Variants in ZSCAN25 observed in about 807,000 individuals in gnomAD.
ZSCAN25 encodes the protein zinc finger and SCAN domain containing 25.
ZSCAN25 carries 27 observed loss-of-function variants against 38.7 expected under a neutral mutation model. That is an observed-to-expected ratio of 0.70 (90% CI 0.51 to 0.96). The LOEUF (loss-of-function observed/expected upper bound fraction) is 0.96. Among genes scored for constraint, ZSCAN25 ranks in the 40% least tolerant of loss-of-function variants. The pLI is 0.00. For missense variants in ZSCAN25, 637 were observed against 705.9 expected (o/e 0.90, Z 1.11); for synonymous variants, 273 against 277.7 (o/e 0.98, Z 0.17).
At position 99,629,046 on chromosome 7, in the gene ZSCAN25, G is replaced by T; in HGVS notation, c.806-145G>T. ...ACATGGAGGTGGAAATAAGGAAAAA[G>T]AAGTAAGGAAAGCCTGAGTTGAGGT... On this transcript the variant is annotated intron_variant, in intron 7 of 7. Coordinates refer to ENST00000394152, the MANE Select transcript of ZSCAN25 (RefSeq NM_145115.3). The surrounding 1 kb of genome is among the most constrained non-coding windows in gnomAD (Gnocchi z 5.6). 1.7e-6 allele frequency: 2 copies of T among 1,161,980 alleles called. No homozygotes were observed. The highest frequency in any genetic ancestry group is 2.4e-6 in the Non-Finnish European group (2 of 846,172). The allele number at this position is 1,161,980 out of a possible 1,614,324, so 72.0% of individuals were successfully genotyped here. A position where few individuals can be genotyped will look rare whatever the true frequency, so the allele number is the denominator to read the frequency against.
the ZSCAN25 span, chr7:99,676,336 A>C: frequency 3.9e-6 from 6 of 1,554,744 alleles, no homozygotes; most frequent in Non-Finnish European, 5.2e-6. Context: ...AATAACAGCA[A>C]CTCCAACATC....
chr7:99,679,873 C>T, the ZSCAN25 span: 25 of 1,614,100 alleles, frequency 1.5e-5, no homozygotes, highest in Middle Eastern at 1.7e-4. Flanking sequence ...AGGTTTCCAC[C>T]GCCAAATTTG....
chr7:99,678,155 C>T, the ZSCAN25 span, among the ~76,000 whole-genome samples: 1 of 152,248 alleles, frequency 6.6e-6, no homozygotes, highest in Non-Finnish European at 1.5e-5. Context: ...GTCTGCCTGG[C>T]TGCCCGAGTC....
chr7:99,630,296 T>C lies in ZSCAN25; in HGVS notation c.*276T>C, dbSNP rs1230584542. 8 of 1,237,474 alleles carry C rather than the reference T, an allele frequency of 6.5e-6. No homozygotes were observed. Among genetic ancestry groups the C allele is most frequent in the Non-Finnish European group, 8.1e-6 (8 of 987,950 alleles). 76.7% of individuals were successfully genotyped at this position (1,237,474 alleles called of 1,614,324 possible). A position where few individuals can be genotyped will look rare whatever the true frequency, so the allele number is the denominator to read the frequency against. On this transcript the variant is annotated 3_prime_UTR_variant, in exon 8 of 8. Transcript: ENST00000394152. ...TGAGATTTTCTCCTTCAGTGGACTG[T>C]CTGTGTCCCCCTGCCGAACAAAGCT...
chr7:99,691,651 G>A, the ZSCAN25 span, among the ~76,000 whole-genome samples: 12 of 152,110 alleles, frequency 7.9e-5, no homozygotes, highest in African/African-American at 2.9e-4. Context: ...TTATGTAGTG[G>A]CCTTCTTTGT....
chr7:99,618,799 C>G (rs951047182), intron 2 of ZSCAN25, 148 bp downstream of exon 2: 3 of 152,176 alleles, frequency 2.0e-5, no homozygotes, highest in African/African-American at 4.8e-5. Context: ...TCTGGGTGAT[C>G]TGGTTTCTGT....
the ZSCAN25 span, chr7:99,638,186 C>T: frequency 1.0e-4 from 145 of 1,398,476 alleles, no homozygotes; most frequent in Admixed American, 2.5e-4. Flanking sequence ...GGCGATAATC[C>T]TGTGAATGGG....
chr7:99,697,887 C>A, the ZSCAN25 span, among the ~76,000 whole-genome samples: 2 of 152,150 alleles, frequency 1.3e-5, no homozygotes, highest in African/African-American at 4.8e-5. Flanking sequence ...TATGGCAAAT[C>A]AATGACACTA....
chr7:99,666,880 G>A, the ZSCAN25 span: 1 of 1,599,118 alleles, frequency 6.3e-7, no homozygotes, highest in South Asian at 1.1e-5. Context: ...GAAACGGACT[G>A]TGATCTTACT....
chr7:99,694,585 T>TG, the ZSCAN25 span, among the ~76,000 whole-genome samples: 1 of 152,058 alleles, frequency 6.6e-6, no homozygotes, highest in Non-Finnish European at 1.5e-5. Context: ...ATGTTTATCT[T>TG]GGGGGGTACA....
At chr7:99,657,076 G>A in the ZSCAN25 span, among the ~76,000 whole-genome samples, 2 of 151,844 alleles carry the variant, frequency 1.3e-5, no homozygotes, top group East Asian at 1.9e-4. Context: ...TTGTGTCTCT[G>A]TTTCCTTCAG....
chr7:99,711,042 ATG>A, the ZSCAN25 span: 1 of 1,339,290 alleles, frequency 7.5e-7, no homozygotes, highest in East Asian at 2.5e-5. Flanking sequence ...TTTCACTCTG[ATG>A]TGTGTCTTAC....
At chr7:99,712,325 G>A in the ZSCAN25 span, among the ~76,000 whole-genome samples, 1 of 152,312 alleles carries the variant, frequency 6.6e-6, no homozygotes, top group South Asian at 2.1e-4. Context: ...ATTGTATTCT[G>A]TTACCATGAA....
At position 99,632,072 on chromosome 7, in the gene ZSCAN25, A is replaced by C. The variant is rs551811467; in HGVS notation, c.*2052A>C. On this transcript the variant is annotated 3_prime_UTR_variant, in exon 8 of 8. Coordinates refer to ENST00000394152, the MANE Select transcript of ZSCAN25 (RefSeq NM_145115.3). Reference sequence around the variant, plus strand: ...CCTGAATCACAGATGCTCTTTTGTCATACACAGCCAGCATTCCTCTGGGTT... The same window carrying C: ...CCTGAATCACAGATGCTCTTTTGTCCTACACAGCCAGCATTCCTCTGGGTT... The C allele has an allele frequency of 1.4e-4, 142 of 985,210 alleles. No individual in the cohort carries two copies. The highest frequency in any genetic ancestry group is 1.6e-4 in the Non-Finnish European group (133 of 829,962). 61.0% of individuals were successfully genotyped at this position (985,210 alleles called of 1,614,324 possible).
the ZSCAN25 span, among the ~76,000 whole-genome samples, chr7:99,691,304 G>A: frequency 1.3e-5 from 2 of 151,876 alleles, no homozygotes; most frequent in African/African-American, 4.8e-5. Flanking sequence ...GGGGTAGGGG[G>A]AGGGGGTAGG....
the ZSCAN25 span, among the ~76,000 whole-genome samples, chr7:99,641,009 CA>C: frequency 6.6e-6 from 1 of 152,144 alleles, no homozygotes; most frequent in Non-Finnish European, 1.5e-5. Context: ...CCAAGAGCTT[CA>C]TGTTTTCCCT....
chr7:99,618,404 G>A (rs1041801267), intron 1 of ZSCAN25, 121 bp from the exon 2 acceptor site: 3 of 152,064 alleles, frequency 2.0e-5, no homozygotes, highest in Non-Finnish European at 4.4e-5. Context: ...CTACAGAAGT[G>A]TTTTAAGTAT....
the ZSCAN25 span, among the ~76,000 whole-genome samples, chr7:99,642,793 CTT>C: frequency 6.6e-6 from 1 of 152,194 alleles, no homozygotes; most frequent in South Asian, 2.1e-4. Context: ...AAAGTAGAAA[CTT>C]TGCTTTTTTT....
chr7:99,660,988 C>T, the ZSCAN25 span, among the ~76,000 whole-genome samples: 2 of 152,076 alleles, frequency 1.3e-5, no homozygotes, highest in African/African-American at 4.8e-5. Context: ...CTTGAATGAT[C>T]CTAAAAGTAC....
Sources: gnomAD v4.1 joint callset for allele counts (sites outside exome capture counted in the v4.1 genomes callset) on GRCh38, gnomAD v4.1.1 for gene constraint, Gnocchi (gnomAD v3.1) non-coding constraint, MANE v1.5 for transcripts, NCBI Gene and HGNC (gene_info 2026-07-23, HGNC 2026-07-21) for gene names.